PC: variants seen among roughly 807,000 people sequenced by gnomAD.
PC encodes the protein pyruvate carboxylase, mitochondrial.
PC carries 46 observed loss-of-function variants against 107.8 expected under a neutral mutation model. The observed-to-expected ratio is 0.43, with a 90% CI of 0.34 to 0.55. The LOEUF is 0.55. Among genes scored for constraint, PC ranks in the 20% least tolerant of loss-of-function variants. The probability of loss-of-function intolerance (pLI) is 0.04; values close to 1 mark genes in which losing one functional copy is unlikely to be tolerated. For synonymous variants in PC, 662 were observed against 684.7 expected, an observed-to-expected ratio of 0.97 and a Z score of 0.52; for missense variants, 1,241 against 1,643.1, an observed-to-expected ratio of 0.76 and a Z score of 4.23.
Position 66,857,470 on chromosome 11 carries a change from G to A in PC, c.1369-4087C>T, listed in dbSNP as rs1334696949. On this transcript the variant is annotated intron_variant, in intron 12 of 22. Coordinates refer to ENST00000393960, the MANE Select transcript of PC (RefSeq NM_001040716.2). This position sits in a 1 kb window ranked among gnomAD's most constrained non-coding sequence, Gnocchi z 7.1. ...AAGTTCCGGGACCCTCCCTGCTCTCGGTCCTCCTCCGCTTCCTGCCTCATG... is the reference window on the plus strand; with the variant it reads ...AAGTTCCGGGACCCTCCCTGCTCTCAGTCCTCCTCCGCTTCCTGCCTCATG... 4.8e-6 allele frequency: 2 copies of A among 420,808 alleles called. No individual in the cohort carries two copies. The highest frequency in any genetic ancestry group is 7.2e-5 in the South Asian group (1 of 13,902). 26.1% of individuals were successfully genotyped at this position (420,808 alleles called of 1,614,324 possible).
intron 3 of PC, among the ~76,000 whole-genome samples, chr11:66,942,499 C>T (rs745977053): frequency 5.9e-5 from 9 of 151,920 alleles, no homozygotes; most frequent in African/African-American, 1.5e-4. Context: ...AGACAAATAC[C>T]GTATGATTCC....
At chr11:66,887,949 G>A (rs1947431292) in intron 3 of PC, among the ~76,000 whole-genome samples, 1 of 152,188 alleles carries the variant, frequency 6.6e-6, no homozygotes, top group South Asian at 2.1e-4. Context: ...TATGGCTGCC[G>A]GGCTCCTTTG....
At chr11:66,876,088 T>C (rs1271294869) in intron 3 of PC, among the ~76,000 whole-genome samples, 1 of 152,124 alleles carries the variant, frequency 6.6e-6, no homozygotes, top group Non-Finnish European at 1.5e-5. Context: ...GCAACAATGG[T>C]GAGAGCCACA....
chr11:66,857,606 C>G lies in PC; in HGVS notation c.1369-4223G>C. 1 of 918,376 alleles carries G rather than the reference C, an allele frequency of 1.1e-6. No individual in the cohort carries two copies. The highest frequency in any genetic ancestry group is 1.6e-6 in the Non-Finnish European group (1 of 629,164). The allele number at this position is 918,376 out of a possible 1,614,324, so 56.9% of individuals were successfully genotyped here. A position where few individuals can be genotyped will look rare whatever the true frequency, so the allele number is the denominator to read the frequency against. ...CCAACCTTCCCTCATCTCTGGCGGCCCTCTTGGGCCTCTGACCCAGCCCCT... is the reference window on the plus strand; with the variant it reads ...CCAACCTTCCCTCATCTCTGGCGGCGCTCTTGGGCCTCTGACCCAGCCCCT... On this transcript the variant is annotated intron_variant, in intron 12 of 22. Coordinates refer to ENST00000393960, the MANE Select transcript of PC (RefSeq NM_001040716.2). This position sits in a 1 kb window ranked among gnomAD's most constrained non-coding sequence, Gnocchi z 7.1.
At position 66,870,772 on chromosome 11, in the gene PC, C is replaced by T. The variant is rs772774885; in HGVS notation, c.751+3G>A. 1.4e-5 allele frequency: 23 copies of T among 1,611,146 alleles called. No individual in the cohort carries two copies. The highest frequency in any genetic ancestry group is 1.6e-4 in the Middle Eastern group (1 of 6,082). ...CCCCAGGCGGGGCGTCAGGACCACT[C>T]ACCCAAGATCTGCACCTCGATGTGC... On this transcript the variant is annotated splice_donor_region_variant and intron_variant, in intron 8 of 22. Coordinates refer to ENST00000393960, the MANE Select transcript of PC (RefSeq NM_001040716.2). The surrounding 1 kb of genome is among the most constrained non-coding windows in gnomAD (Gnocchi z 6.1).
In PC at chr11:66,871,649, TC is replaced by T. The variant is rs1747149343; in HGVS notation, c.321+37del. On this transcript the variant is annotated intron_variant, in intron 5 of 22. Transcript: ENST00000393960. The surrounding 1 kb of genome is among the most constrained non-coding windows in gnomAD (Gnocchi z 7.4). The stretch of plus-strand genomic sequence containing the variant: ...CCCCGCGGCAACTAAGACTCCCTGG[TC>T]CCTGCTGTCCAGGCCCAGCCAGGCC... The T allele has an allele frequency of 6.4e-7, 1 of 1,561,412 alleles. No individual in the cohort carries two copies. Among genetic ancestry groups the T allele is most frequent in the Admixed American group, 1.9e-5 (1 of 52,150 alleles).
At chr11:66,944,434 T>C (rs7123009) in intron 3 of PC, among the ~76,000 whole-genome samples, 6,881 of 112,006 alleles carry the variant, frequency 0.061, 2,071 homozygotes, top group African/African-American at 0.21. Flanking sequence ...CAAAAATTAG[T>C]TGGGCATGGT....
At chr11:66,936,746 CCTAA>C (rs1019539810) in intron 3 of PC, among the ~76,000 whole-genome samples, 46 of 152,118 alleles carry the variant, frequency 3.0e-4, no homozygotes, top group African/African-American at 9.9e-4. Flanking sequence ...TTTTTCACTC[CCTAA>C]CTATGTTCCA....
chr11:66,871,946 C>T lies in PC; in HGVS notation c.137-75G>A. 6.4e-7 allele frequency: 1 copy of T among 1,570,922 alleles called. No individual in the cohort carries two copies. The highest frequency in any genetic ancestry group is 8.6e-7 in the Non-Finnish European group (1 of 1,158,712). On this transcript the variant is annotated intron_variant, in intron 4 of 22. Coordinates refer to ENST00000393960, the MANE Select transcript of PC (RefSeq NM_001040716.2). The surrounding 1 kb of genome is among the most constrained non-coding windows in gnomAD (Gnocchi z 7.4). Reference sequence around the variant, plus strand: ...AGAAAGGGGAGTGGGAAGCCAGGGCCTGGGGCAGTGAGTGGGAGAAGAATG... The same window carrying T: ...AGAAAGGGGAGTGGGAAGCCAGGGCTTGGGGCAGTGAGTGGGAGAAGAATG...
chr11:66,931,034 C>T (rs1272628031), intron 3 of PC, among the ~76,000 whole-genome samples: 1 of 152,044 alleles, frequency 6.6e-6, no homozygotes, highest in East Asian at 1.9e-4. Flanking sequence ...CAGAGGTTGG[C>T]TATCGGTGGG....
intron 3 of PC, among the ~76,000 whole-genome samples, chr11:66,928,158 G>A (rs1389489008): frequency 2.6e-5 from 4 of 152,056 alleles, no homozygotes; most frequent in Admixed American, 1.3e-4. Flanking sequence ...AGCCTAAGGC[G>A]GGCGGATCAC....
At chr11:66,893,757 G>A (rs1947652558) in intron 3 of PC, among the ~76,000 whole-genome samples, 1 of 151,910 alleles carries the variant, frequency 6.6e-6, no homozygotes, top group Non-Finnish European at 1.5e-5. Flanking sequence ...CATGGCAAAT[G>A]CCTATTCTAT....
chr11:66,907,714 C>T (rs190314685), intron 3 of PC: 1 of 152,352 alleles, frequency 6.6e-6, no homozygotes, highest in African/African-American at 2.4e-5. Flanking sequence ...CTTCTAACTG[C>T]TAGAAAGCTG....
chr11:66,849,568 AG>A (rs776083905), intron 21 of PC, 42 bp downstream of exon 21: 10 of 1,613,636 alleles, frequency 6.2e-6, no homozygotes, highest in Non-Finnish European at 8.5e-6. Context: ...GCTCTGGGGC[AG>A]GGGGCCAGGG....
chr11:66,917,230 C>G (rs767854158), intron 3 of PC, among the ~76,000 whole-genome samples: 1 of 151,868 alleles, frequency 6.6e-6, no homozygotes, highest in Non-Finnish European at 1.5e-5. Flanking sequence ...CGCCATCACA[C>G]CCGGCTAATT....
intron 3 of PC, among the ~76,000 whole-genome samples, chr11:66,887,564 C>G (rs1947419026): frequency 1.3e-5 from 2 of 152,062 alleles, no homozygotes; most frequent in South Asian, 4.2e-4. Flanking sequence ...GGACATTACC[C>G]AGAAAGACTA....
chr11:66,851,693 T>TGTCA, intron 16 of PC, 97 bp downstream of exon 16: 1 of 1,275,734 alleles, frequency 7.8e-7, no homozygotes, highest in Non-Finnish European at 1.1e-6. Flanking sequence ...AGAGACTTGG[T>TGTCA]GTCAGGCTGA....
intron 3 of PC, among the ~76,000 whole-genome samples, chr11:66,893,133 C>G (rs71457747): frequency 6.6e-6 from 1 of 152,140 alleles, no homozygotes; most frequent in African/African-American, 2.4e-5. Context: ...CAGTGAGGAC[C>G]CCCACTGTGA....
At position 66,848,722 on chromosome 11, in the gene PC, A is replaced by G; in HGVS notation, c.*177T>C. ...TGTAAGCAGCTGTCCGCCGGAGGAA[A>G]GGACGATGGCTGAAAGGAATGAACC... On this transcript the variant is annotated 3_prime_UTR_variant, in exon 23 of 23. Coordinates refer to ENST00000393960, the MANE Select transcript of PC (RefSeq NM_001040716.2). The G allele has an allele frequency of 1.4e-6, 1 of 727,784 alleles. No homozygotes were observed. Among genetic ancestry groups the G allele is most frequent in the Admixed American group, 2.3e-5 (1 of 42,742 alleles). 45.1% of individuals were successfully genotyped at this position (727,784 alleles called of 1,614,324 possible).
Sources: allele counts gnomAD v4.1 joint callset (sites outside exome capture counted in the v4.1 genomes callset), GRCh38; gene constraint gnomAD v4.1.1; non-coding constraint Gnocchi (gnomAD v3.1); transcripts MANE v1.5; gene names NCBI Gene and HGNC (gene_info 2026-07-23, HGNC 2026-07-21).